ZNF787: variants seen among roughly 807,000 people sequenced by gnomAD.
ZNF787 encodes the protein zinc finger protein 787.
A neutral mutation model predicts 16.9 loss-of-function variants in ZNF787; 7 were observed. The observed-to-expected ratio is 0.42, with a 90% CI of 0.24 to 0.78. The LOEUF is 0.78. Ranked by LOEUF, ZNF787 falls within the 30% of genes least tolerant of loss-of-function variation. ZNF787 has a pLI of 0.30. For missense variants in ZNF787, 551 were observed against 589.3 expected (o/e 0.94, Z 0.67); for synonymous variants, 345 against 270.9 (o/e 1.27, Z -2.69).
intron 2 of ZNF787, 40 bp downstream of exon 2, chr19:56,103,099 G>C: frequency 1.2e-6 from 2 of 1,605,308 alleles, no homozygotes; most frequent in Non-Finnish European, 1.7e-6. Context: ...GGTCAGGTGG[G>C]AGGCAGCGGG....
At chr19:56,101,333 G>A (rs146851806) in intron 2 of ZNF787, among the ~76,000 whole-genome samples, 1 of 152,266 alleles carries the variant, frequency 6.6e-6, no homozygotes, top group Non-Finnish European at 1.5e-5. Flanking sequence ...CGTCACGCAG[G>A]GGTGATGCTC....
chr19:56,101,354 G>A (rs1459603432), intron 2 of ZNF787, among the ~76,000 whole-genome samples: 3 of 152,276 alleles, frequency 2.0e-5, no homozygotes, highest in South Asian at 2.1e-4. Flanking sequence ...CAGAGGCGGC[G>A]CCAAGCGCAG....
At chr19:56,092,019 G>GAAGCCAAACGGAAGCCA (rs1268897060) in intron 2 of ZNF787, among the ~76,000 whole-genome samples, 13 of 17,542 alleles carry the variant, frequency 7.4e-4, no homozygotes, top group African/African-American at 1.0e-3. Context: ...AGCCGAAACC[G>GAAGCCAAACGGAAGCCA]AAGCCGAAGC....
chr19:56,107,046 T>C (rs772730657), intron 1 of ZNF787, among the ~76,000 whole-genome samples: 8 of 152,180 alleles, frequency 5.3e-5, no homozygotes, highest in Non-Finnish European at 1.2e-4. Context: ...AATAAATTCA[T>C]GTGCACAGAT....
chr19:56,098,549 C>T (rs1354368248), intron 2 of ZNF787, among the ~76,000 whole-genome samples: 2 of 143,296 alleles, frequency 1.4e-5, no homozygotes, highest in African/African-American at 5.6e-5. Flanking sequence ...GTGATATGGC[C>T]GCCGGGTGAT....
At chr19:56,101,801 CCA>C (rs1361612181) in intron 2 of ZNF787, 24 of 152,236 alleles carry the variant, frequency 1.6e-4, no homozygotes, top group Non-Finnish European at 1.0e-4. Context: ...CACACTGCGT[CCA>C]CACACTTGAG....
At chr19:56,093,067 A>C (rs1985709878) in intron 2 of ZNF787, among the ~76,000 whole-genome samples, 1 of 151,398 alleles carries the variant, frequency 6.6e-6, no homozygotes, top group Admixed American at 6.6e-5. Context: ...GCTACCCCAT[A>C]GACACGGGGT....
intron 1 of ZNF787, among the ~76,000 whole-genome samples, chr19:56,120,539 C>G (rs1279689507): frequency 6.6e-6 from 1 of 152,204 alleles, no homozygotes; most frequent in Non-Finnish European, 1.5e-5. Context: ...GGCCTCCTGC[C>G]GGCCAGAATC....
intron 1 of ZNF787, among the ~76,000 whole-genome samples, chr19:56,115,995 T>G (rs1274341076): frequency 6.6e-6 from 1 of 152,146 alleles, no homozygotes; most frequent in Non-Finnish European, 1.5e-5. Flanking sequence ...TCATCAGGTG[T>G]CCGTGTAGGT....
At position 56,088,085 on chromosome 19, in the gene ZNF787, C is replaced by A; in HGVS notation, c.1087G>T (p.Asp363Tyr). ...CCGCCCGCGGCCTCGTCGTCGTCGT[C>A]CTCCTCCTCCCCGCCCGCGCGGTAG... ...SYYRAGGEEE[D>Y]DDDEAAGGRC... is the part of the protein sequence containing the mutation. Residue 363 changes from aspartate (D) to tyrosine (Y), a missense_variant, in exon 3 of 3, where the codon GAC becomes TAC. Asp to Tyr is a radical substitution (Grantham distance 160). Transcript: ENST00000610935. The surrounding 1 kb of genome is among the most constrained non-coding windows in gnomAD (Gnocchi z 8.6). The A allele has an allele frequency of 6.7e-7, 1 of 1,493,416 alleles. No homozygotes were observed. Among genetic ancestry groups the A allele is most frequent in the Non-Finnish European group, 8.9e-7 (1 of 1,129,024 alleles). The allele number at this position is 1,493,416 out of a possible 1,614,324, so 92.5% of individuals were successfully genotyped here.
intron 1 of ZNF787, among the ~76,000 whole-genome samples, chr19:56,105,697 C>G (rs1367298283): frequency 6.6e-6 from 1 of 152,122 alleles, no homozygotes; most frequent in East Asian, 1.9e-4. Flanking sequence ...AGGGCTCACA[C>G]CCCAGGGCCC....
intron 1 of ZNF787, among the ~76,000 whole-genome samples, chr19:56,115,975 C>T (rs1197025569): frequency 6.6e-6 from 1 of 152,164 alleles, no homozygotes; most frequent in Admixed American, 6.5e-5. Flanking sequence ...ACACTATGGA[C>T]TCTGGGTGAT....
At chr19:56,120,435 C>T (rs2030256363) in intron 1 of ZNF787, among the ~76,000 whole-genome samples, 1 of 152,220 alleles carries the variant, frequency 6.6e-6, no homozygotes, top group East Asian at 1.9e-4. Context: ...CTTCGCCCTG[C>T]CCCGTGGGCC....
At chr19:56,108,712 A>T (rs2029895843) in intron 1 of ZNF787, among the ~76,000 whole-genome samples, 1 of 152,092 alleles carries the variant, frequency 6.6e-6, no homozygotes, top group Admixed American at 6.5e-5. Context: ...TTAAGACCAG[A>T]CACAGCAAAT....
chr19:56,097,481 C>T (rs1402059752), intron 2 of ZNF787, among the ~76,000 whole-genome samples: 1 of 152,238 alleles, frequency 6.6e-6, no homozygotes, highest in African/African-American at 2.4e-5. Flanking sequence ...GGCCACGCCT[C>T]GCGTCTCCAC....
At chr19:56,110,059 C>T (rs1239963221) in intron 1 of ZNF787, among the ~76,000 whole-genome samples, 1 of 152,128 alleles carries the variant, frequency 6.6e-6, no homozygotes, top group Non-Finnish European at 1.5e-5. Flanking sequence ...GTGAATTGTA[C>T]ATTTTAAAAA....
Position 56,087,643 on chromosome 19 carries a change from G to C in ZNF787, c.*380C>G, listed in dbSNP as rs922586875. The C allele has an allele frequency of 1.6e-4, 29 of 176,260 alleles. No individual in the cohort carries two copies. The highest frequency in any genetic ancestry group is 6.6e-4 in the African/African-American group (28 of 42,364). 10.9% of individuals were successfully genotyped at this position (176,260 alleles called of 1,614,324 possible). A position where few individuals can be genotyped will look rare whatever the true frequency, so the allele number is the denominator to read the frequency against. On this transcript the variant is annotated 3_prime_UTR_variant, in exon 3 of 3. Transcript: ENST00000610935. ...CTCTCTGGGATCCTCTAAAGGGCCTGGTTTCTCCATTCCTCGCAGCACCCC... is the reference window on the plus strand; with the variant it reads ...CTCTCTGGGATCCTCTAAAGGGCCTCGTTTCTCCATTCCTCGCAGCACCCC...
At chr19:56,103,500 C>T (rs138080903) in intron 1 of ZNF787, 149 of 404,822 alleles carry the variant, frequency 3.7e-4, no homozygotes, top group Middle Eastern at 6.3e-4. Context: ...CCCAGCCCCA[C>T]CACTCCCCAG....
chr19:56,097,483 C>A (rs1404673136), intron 2 of ZNF787, among the ~76,000 whole-genome samples: 1 of 152,248 alleles, frequency 6.6e-6, no homozygotes, highest in Non-Finnish European at 1.5e-5. Context: ...CCACGCCTCG[C>A]GTCTCCACTG....
Sources: gnomAD v4.1 joint callset for allele counts (sites outside exome capture counted in the v4.1 genomes callset) on GRCh38, gnomAD v4.1.1 for gene constraint, Gnocchi (gnomAD v3.1) non-coding constraint, MANE v1.5 for transcripts, NCBI Gene and HGNC (gene_info 2026-07-23, HGNC 2026-07-21) for gene names.